The following CCDC192 variants were observed in gnomAD, a reference collection of about 807,000 sequenced individuals.
The protein encoded by CCDC192 is coiled-coil domain-containing protein 192.
At chr5:127,872,269 T>C (rs917674813) in intron 5 of CCDC192, among the ~76,000 whole-genome samples, 7 of 152,236 alleles carry the variant, frequency 4.6e-5, no homozygotes, top group African/African-American at 1.7e-4. Flanking sequence ...ATTTTTAATT[T>C]AAATTTCATT....
chr5:127,905,869 A>G (rs1343787912), intron 6 of CCDC192, among the ~76,000 whole-genome samples: 1 of 152,238 alleles, frequency 6.6e-6, no homozygotes, highest in African/African-American at 2.4e-5. Context: ...TGCAGAAATT[A>G]ACTAATTTAT....
chr5:127,794,758 G>A (rs1757066252), intron 3 of CCDC192, among the ~76,000 whole-genome samples: 1 of 151,962 alleles, frequency 6.6e-6, no homozygotes, highest in African/African-American at 2.4e-5. Flanking sequence ...ATAGAAGGTA[G>A]ATTTAAAAGA....
At chr5:127,797,735 A>G (rs1162442799) in intron 4 of CCDC192, among the ~76,000 whole-genome samples, 8 of 9,740 alleles carry the variant, frequency 8.2e-4, no homozygotes, top group African/African-American at 3.6e-3. Flanking sequence ...GTGAAGGTAT[A>G]TATATATATA....
At chr5:127,718,417 T>C (rs1422656951) in intron 2 of CCDC192, among the ~76,000 whole-genome samples, 1 of 152,208 alleles carries the variant, frequency 6.6e-6, no homozygotes, top group African/African-American at 2.4e-5. Context: ...TGACATTTTT[T>C]TCTCCATTTG....
At chr5:127,702,616 A>G (rs1750752728), upstream of CCDC192, among the ~76,000 whole-genome samples, 1 of 152,210 alleles carries the variant, frequency 6.6e-6, no homozygotes, top group African/African-American at 2.4e-5. Flanking sequence ...CATTGCTGTC[A>G]TGCCAGTCTA....
intron 2 of CCDC192, among the ~76,000 whole-genome samples, chr5:127,708,771 T>C (rs1751115346): frequency 6.6e-6 from 1 of 152,104 alleles, no homozygotes; most frequent in Admixed American, 6.5e-5. Flanking sequence ...AGGAGCATGG[T>C]TATTCGGAAT....
intron 2 of CCDC192, among the ~76,000 whole-genome samples, chr5:127,720,233 G>A (rs568111083): frequency 8.0e-4 from 122 of 152,274 alleles, no homozygotes; most frequent in Admixed American, 1.6e-3. Context: ...ACTGGCATTG[G>A]GTAAATACTC....
At chr5:127,840,178 T>A (rs1418145812) in intron 5 of CCDC192, among the ~76,000 whole-genome samples, 1 of 152,132 alleles carries the variant, frequency 6.6e-6, no homozygotes, top group Non-Finnish European at 1.5e-5. Flanking sequence ...GAGCCACAAG[T>A]AGAAAATACA....
chr5:127,727,624 G>A (rs1008899609), intron 2 of CCDC192, among the ~76,000 whole-genome samples: 1 of 152,142 alleles, frequency 6.6e-6, no homozygotes, highest in Non-Finnish European at 1.5e-5. Flanking sequence ...AAAAGCCAGA[G>A]TGCCTCTTCT....
intron 6 of CCDC192, among the ~76,000 whole-genome samples, chr5:127,916,192 A>G (rs941660360): frequency 6.6e-6 from 1 of 152,138 alleles, no homozygotes; most frequent in African/African-American, 2.4e-5. Flanking sequence ...GCAAGAAGCA[A>G]CTCCTCATTC....
chr5:127,743,927 T>TA lies in CCDC192; in HGVS notation c.115-10334dup, dbSNP rs201881928. On this transcript the variant is annotated intron_variant, in intron 2 of 6. Coordinates refer to ENST00000514853, the MANE Select transcript of CCDC192 (RefSeq NM_001317938.2). ...TAACACGGTGAAACCCCGTCTCTGC[T>TA]AAAAAAATACAAAAAAATTAGCCAG... 1.9e-3 allele frequency among the ~76,000 whole-genome samples: 286 copies of TA among 151,222 alleles called. 2 individuals are homozygous for TA. In the East Asian group the frequency reaches 0.039, roughly 21 times the overall value.
chr5:127,767,826 T>G (rs538685216), intron 3 of CCDC192, among the ~76,000 whole-genome samples: 1 of 152,312 alleles, frequency 6.6e-6, no homozygotes, highest in East Asian at 1.9e-4. Flanking sequence ...AAGGATAATT[T>G]TCCCCAAAAT....
intron 3 of CCDC192, chr5:127,787,072 A>G: frequency 3.8e-6 from 1 of 260,054 alleles, no homozygotes; most frequent in South Asian, 6.1e-5. Flanking sequence ...TGTCCAGTGC[A>G]GCAATCCTTA....
chr5:127,931,994 C>CA lies in CCDC192; in HGVS notation c.536-9178dup, dbSNP rs570062426. 6.9e-3 allele frequency among the ~76,000 whole-genome samples: 1,021 copies of CA among 147,278 alleles called. 7 individuals carry two copies. The highest frequency in any genetic ancestry group is 0.028 in the Middle Eastern group (8 of 286). On this transcript the variant is annotated intron_variant, in intron 6 of 6. Transcript: ENST00000514853. ...GCGAAACCCTGTTTCTACTAAAATA[C>CA]AAAAAAAAAATTAGCCGGGAGTGGT...
At chr5:127,769,163 T>A (rs1223441231) in intron 3 of CCDC192, among the ~76,000 whole-genome samples, 3 of 152,156 alleles carry the variant, frequency 2.0e-5, no homozygotes, top group African/African-American at 7.2e-5. Context: ...AAGAGATAAA[T>A]AGGAAATTCA....
At chr5:127,926,274 A>G (rs768325216) in intron 6 of CCDC192, among the ~76,000 whole-genome samples, 3 of 152,196 alleles carry the variant, frequency 2.0e-5, no homozygotes, top group Non-Finnish European at 2.9e-5. Flanking sequence ...AAGGACTCAA[A>G]CATAGAAGTA....
intron 5 of CCDC192, among the ~76,000 whole-genome samples, chr5:127,863,259 A>AGT (rs1435510071): frequency 1.1e-4 from 17 of 152,270 alleles, no homozygotes; most frequent in Admixed American, 5.9e-4. Context: ...AAACAACCCA[A>AGT]GTGTTTATCC....
At chr5:127,719,343 A>T (rs1447969927) in intron 2 of CCDC192, among the ~76,000 whole-genome samples, 2 of 151,386 alleles carry the variant, frequency 1.3e-5, no homozygotes, top group African/African-American at 4.9e-5. Flanking sequence ...TATTGTGACT[A>T]GTGCTGCAAT....
chr5:127,880,539 A>C (rs1752309253), intron 6 of CCDC192, among the ~76,000 whole-genome samples: 1 of 151,590 alleles, frequency 6.6e-6, no homozygotes, highest in Non-Finnish European at 1.5e-5. Flanking sequence ...CCAGCATGGC[A>C]CATGTATACA....
Sources: allele counts gnomAD v4.1 joint callset (sites outside exome capture counted in the v4.1 genomes callset), GRCh38; gene constraint gnomAD v4.1.1; transcripts MANE v1.5; gene names NCBI Gene and HGNC (gene_info 2026-07-23, HGNC 2026-07-21).